TMEM108: variants seen among roughly 807,000 people sequenced by gnomAD.
The protein encoded by TMEM108 is transmembrane protein 108, also known as cancer/testis antigen 124.
A neutral mutation model predicts 35.1 loss-of-function variants in TMEM108; 12 were observed. The observed-to-expected ratio is 0.34, with a 90% confidence interval of 0.22 to 0.55. The LOEUF is 0.55. TMEM108 is among the 20% of genes least tolerant of loss of function. TMEM108 has a pLI of 0.89. For missense variants in TMEM108, 680 were observed against 753.3 expected (o/e 0.90, Z 1.14); for synonymous variants, 287 against 308.6 (o/e 0.93, Z 0.73).
chr3:133,198,509 A>G (rs1331685248), intron 2 of TMEM108, among the ~76,000 whole-genome samples: 1 of 152,198 alleles, frequency 6.6e-6, no homozygotes, highest in African/African-American at 2.4e-5. Flanking sequence ...ACTGCAAACC[A>G]CTACTCAGGG....
chr3:133,149,922 G>A (rs760676358), intron 2 of TMEM108, among the ~76,000 whole-genome samples: 1 of 151,812 alleles, frequency 6.6e-6, no homozygotes, highest in Non-Finnish European at 1.5e-5. Flanking sequence ...TCATATCTTG[G>A]CTATTATGAA....
At chr3:133,098,241 CA>C (rs1444271630) in intron 2 of TMEM108, among the ~76,000 whole-genome samples, 2 of 152,126 alleles carry the variant, frequency 1.3e-5, no homozygotes, top group African/African-American at 4.8e-5. Context: ...GAGGAAGAAG[CA>C]AAAGTGGAAA....
At chr3:133,056,648 T>C (rs1401913315) in intron 2 of TMEM108, among the ~76,000 whole-genome samples, 1 of 152,162 alleles carries the variant, frequency 6.6e-6, no homozygotes, top group Non-Finnish European at 1.5e-5. Flanking sequence ...CCTGCCACTT[T>C]CACACCTTCC....
intron 3 of TMEM108, among the ~76,000 whole-genome samples, chr3:133,326,262 C>T (rs990009139): frequency 1.3e-5 from 2 of 152,176 alleles, no homozygotes. Flanking sequence ...GTGCCCCTTC[C>T]TGCCCTGGTT....
intron 2 of TMEM108, among the ~76,000 whole-genome samples, chr3:133,114,938 GA>G (rs1401177419): frequency 6.6e-6 from 1 of 152,074 alleles, no homozygotes; most frequent in Non-Finnish European, 1.5e-5. Flanking sequence ...AAAAAGAGTA[GA>G]ACATCCAGAA....
At chr3:133,275,633 G>A (rs1240547080) in intron 3 of TMEM108, among the ~76,000 whole-genome samples, 1 of 152,060 alleles carries the variant, frequency 6.6e-6, no homozygotes, top group African/African-American at 2.4e-5. Context: ...AATTTTTTAT[G>A]TTTTAAAATG....
At chr3:133,204,817 C>A (rs975110295) in intron 2 of TMEM108, among the ~76,000 whole-genome samples, 2 of 152,118 alleles carry the variant, frequency 1.3e-5, no homozygotes, top group Non-Finnish European at 2.9e-5. Context: ...TCTGTTAGGT[C>A]CACTTGGTCC....
chr3:133,348,127 A>C (rs1396251282), intron 3 of TMEM108, among the ~76,000 whole-genome samples: 1 of 152,084 alleles, frequency 6.6e-6, no homozygotes, highest in Non-Finnish European at 1.5e-5. Flanking sequence ...GGGGGGGGCC[A>C]GATTTGCTTT....
chr3:133,051,636 A>G (rs1943407377), intron 2 of TMEM108, among the ~76,000 whole-genome samples: 1 of 152,076 alleles, frequency 6.6e-6, no homozygotes, highest in Admixed American at 6.6e-5. Flanking sequence ...TATGAGTTTT[A>G]TAGTTTTGTC....
At chr3:133,320,426 G>T (rs2071252548) in intron 3 of TMEM108, among the ~76,000 whole-genome samples, 2 of 151,640 alleles carry the variant, frequency 1.3e-5, no homozygotes, top group African/African-American at 4.8e-5. Flanking sequence ...ACAAGTAGAA[G>T]AAAGAACTTC....
chr3:133,065,958 G>A (rs1422983150), intron 2 of TMEM108, among the ~76,000 whole-genome samples: 1 of 152,116 alleles, frequency 6.6e-6, no homozygotes, highest in Admixed American at 6.5e-5. Context: ...TAAGTGTAAG[G>A]ATTCAGAGCA....
chr3:133,180,332 G>A (rs1358358911), intron 2 of TMEM108, among the ~76,000 whole-genome samples: 1 of 152,036 alleles, frequency 6.6e-6, no homozygotes, highest in African/African-American at 2.4e-5. Context: ...CAAATACATG[G>A]CATTGAGGTT....
rs762732164 is a variant in TMEM108 at position 133,115,678 on chromosome 3, A to C, written c.-47+69658A>C. Among the ~76,000 whole-genome samples, 3 of 152,252 alleles carry C rather than the reference A, an allele frequency of 2.0e-5. No homozygotes were observed. In the East Asian group the frequency reaches 5.8e-4, roughly 29 times the overall value. On this transcript the variant is annotated intron_variant, in intron 2 of 5. Transcript: ENST00000321871. ...GTTTTGTTATGCATTAAAGAGAAAT[A>C]AAAATAATACATGTTTTTTCTTTCT...
At chr3:133,225,594 C>T (rs2107860133) in intron 2 of TMEM108, among the ~76,000 whole-genome samples, 1 of 152,130 alleles carries the variant, frequency 6.6e-6, no homozygotes, top group East Asian at 1.9e-4. Flanking sequence ...TCAGTCTCTC[C>T]CAAATTAATA....
intron 3 of TMEM108, among the ~76,000 whole-genome samples, chr3:133,312,073 A>G (rs1339066509): frequency 6.6e-6 from 1 of 152,210 alleles, no homozygotes; most frequent in Non-Finnish European, 1.5e-5. Context: ...GCAGAACAGC[A>G]AATATTGCTG....
chr3:133,101,563 C>T (rs1944087816), intron 2 of TMEM108, among the ~76,000 whole-genome samples: 1 of 152,206 alleles, frequency 6.6e-6, no homozygotes, highest in African/African-American at 2.4e-5. Flanking sequence ...TGCCTACAGT[C>T]TGGGCTTCAT....
chr3:133,353,917 TTTG>T (rs1435003989), intron 3 of TMEM108, among the ~76,000 whole-genome samples: 3 of 152,200 alleles, frequency 2.0e-5, no homozygotes, highest in South Asian at 2.1e-4. Flanking sequence ...TCTTCCAAAC[TTTG>T]TTTCTTGACA....
chr3:133,178,269 C>G (rs1313041823), intron 2 of TMEM108, among the ~76,000 whole-genome samples: 1 of 152,190 alleles, frequency 6.6e-6, no homozygotes, highest in African/African-American at 2.4e-5. Context: ...ATGCCATCCC[C>G]ATCAAGCTGC....
intron 3 of TMEM108, among the ~76,000 whole-genome samples, chr3:133,235,772 C>T (rs1012831559): frequency 3.9e-5 from 6 of 152,150 alleles, no homozygotes; most frequent in Non-Finnish European, 7.4e-5. Flanking sequence ...TTGGTCCTCA[C>T]AACAACCTTG....
Sources: gnomAD v4.1 joint callset for allele counts (sites outside exome capture counted in the v4.1 genomes callset) on GRCh38, gnomAD v4.1.1 for gene constraint, MANE v1.5 for transcripts, NCBI Gene and HGNC (gene_info 2026-07-23, HGNC 2026-07-21) for gene names.